The following SFSWAP variants were observed in gnomAD, a reference collection of about 807,000 sequenced individuals.
SFSWAP encodes the protein splicing factor SWAP, also known as splicing factor, suppressor of white-apricot homolog.
In SFSWAP, 17 loss-of-function variants were observed where a neutral mutation model predicts 100.7. The observed-to-expected ratio is 0.17, with a 90% CI of 0.12 to 0.25. SFSWAP has a LOEUF of 0.25. SFSWAP is among the 10% of genes least tolerant of loss of function. The probability of loss-of-function intolerance (pLI) is 1.00; values close to 1 mark genes in which losing one functional copy is unlikely to be tolerated. For synonymous variants in SFSWAP, 504 were observed against 510.1 expected (o/e 0.99, Z 0.16); for missense variants, 1,005 against 1,262.6 (o/e 0.80, Z 3.09).
Position 131,743,438 on chromosome 12 carries a change from C to G in SFSWAP, c.1082-9685C>G, listed in dbSNP as rs1880839534. Among the ~76,000 whole-genome samples the G allele has an allele frequency of 2.0e-5, 3 of 152,342 alleles. No individual in the cohort carries two copies. In the South Asian group the frequency reaches 6.2e-4, roughly 32 times the overall value. On this transcript the variant is annotated intron_variant, in intron 7 of 17. Transcript: ENST00000261674. ...ACAGAGGGGCTGCACAGGCCCTGTA[C>G]AAGTCCAAAATCTAGCAAGGCAGTC...
rs1191519758 is a variant in SFSWAP, at chr12:131,778,116, A to G, written c.2194A>G (p.Thr732Ala). 6.2e-7 allele frequency: 1 copy of G among 1,614,086 alleles called. No homozygotes were observed. The highest frequency in any genetic ancestry group is 8.5e-7 in the Non-Finnish European group (1 of 1,180,022). ...PLLTGGRPLP[T>A]LEVKPPDRPS... ...ACTGACTGGAGGCAGGCCTCTGCCT[A>G]CTTTAGAAGTTAAACCACCCGATAG... Residue 732 changes from threonine to alanine, a missense_variant, in exon 14 of 18, where the codon ACT (threonine) becomes GCT (alanine). By Grantham distance (58) the Thr-to-Ala change is moderately conservative. Transcript: ENST00000261674. This position sits in a 1 kb window ranked among gnomAD's most constrained non-coding sequence, Gnocchi z 4.2.
At chr12:131,797,402 G>A in intron 16 of SFSWAP, 42 bp downstream of exon 16, 3 of 1,547,948 alleles carry the variant, frequency 1.9e-6, no homozygotes, top group Middle Eastern at 2.2e-4. Context: ...GGAAAGGCAA[G>A]GGGCGGCCAG....
Position 131,733,927 on chromosome 12 carries a change from C to A in SFSWAP, c.1081+5499C>A, listed in dbSNP as rs1425933303. On this transcript the variant is annotated intron_variant, in intron 7 of 17. Transcript: ENST00000261674. The surrounding 1 kb of genome is among the most constrained non-coding windows in gnomAD (Gnocchi z 5.1). ...ACTTACCTCCTAGATACAGACAAGA[C>A]CCCAAACACACACATGGGAGCCCTG... 6.6e-6 allele frequency among the ~76,000 whole-genome samples: 1 copy of A among 152,214 alleles called. No homozygotes were observed. The highest frequency in any genetic ancestry group is 1.5e-5 in the Non-Finnish European group (1 of 68,032).
In SFSWAP at chr12:131,794,021, T is replaced by G. The variant is rs61943865; in HGVS notation, c.2535-3157T>G. Reference sequence around the variant, plus strand: ...ACCTACTCCCTGACCAGCTGTCCTGTTCCTAGCTGTGAACTCCTCTATAAA... The same window carrying G: ...ACCTACTCCCTGACCAGCTGTCCTGGTCCTAGCTGTGAACTCCTCTATAAA... On this transcript the variant is annotated intron_variant, in intron 15 of 17. Coordinates refer to ENST00000261674, the MANE Select transcript of SFSWAP (RefSeq NM_004592.4). This position sits in a 1 kb window ranked among gnomAD's most constrained non-coding sequence, Gnocchi z 4.8. Among the ~76,000 whole-genome samples, 11,537 of 152,284 alleles carry G rather than the reference T, an allele frequency of 0.076. 495 individuals are homozygous for G. Among genetic ancestry groups the G allele is most frequent in the Middle Eastern group, 0.13 (37 of 294 alleles).
At position 131,778,328 on chromosome 12, in the gene SFSWAP, G is replaced by A. The variant is rs140471777; in HGVS notation, c.2406G>A (p.Ser802=). The change falls in exon 14 of 18, where the codon TCG becomes TCA. Residue 802 remains serine, a splice_region_variant and synonymous_variant. Transcript: ENST00000261674. The surrounding 1 kb of genome is among the most constrained non-coding windows in gnomAD (Gnocchi z 4.2). ...GTGCCTATCGGACAGTGCGGCGGTC[G>A]AGGTGGGTGTGAAGGGGGCAGCACC... ...LPSAYRTVRR[S]RSRSRSPRRR... 113 of 1,611,248 alleles carry A rather than the reference G, an allele frequency of 7.0e-5. No individual in the cohort carries two copies. In the African/African-American group the frequency reaches 8.6e-4, roughly 12 times the overall value.
chr12:131,788,587 G>A (rs934467154), intron 15 of SFSWAP, among the ~76,000 whole-genome samples: 3 of 150,670 alleles, frequency 2.0e-5, no homozygotes, highest in Admixed American at 6.6e-5. Context: ...GTGCAGTGGC[G>A]TAATCACAGC....
chr12:131,741,832 G>A (rs1191278780), intron 7 of SFSWAP, among the ~76,000 whole-genome samples: 1 of 152,038 alleles, frequency 6.6e-6, no homozygotes, highest in African/African-American at 2.4e-5. Context: ...AAGGTTCCTC[G>A]GGTCACATGC....
rs572782455 is a variant in SFSWAP at position 131,790,339 on chromosome 12, C to T, written c.2534+3751C>T. On this transcript the variant is annotated intron_variant, in intron 15 of 17. Transcript: ENST00000261674. ...TGTTCCAGGTTTACTGGGCATTTTC[C>T]CTGCTCCAGCCCTGGAATCTACCAT... Among the ~76,000 whole-genome samples the T allele has an allele frequency of 6.6e-5, 10 of 152,274 alleles. No homozygotes were observed. The South Asian group carries it at 8.3e-4, about 13-fold the overall frequency.
intron 7 of SFSWAP, among the ~76,000 whole-genome samples, chr12:131,742,810 C>CTGT (rs1211652096): frequency 1.3e-5 from 2 of 152,074 alleles, no homozygotes; most frequent in East Asian, 3.8e-4. Flanking sequence ...TTATATTAGT[C>CTGT]TGTTTTCACA....
In SFSWAP at chr12:131,768,824, G is replaced by T. The variant is rs572465970; in HGVS notation, c.2142+2516G>T. Among the ~76,000 whole-genome samples, 383 of 152,270 alleles carry T rather than the reference G, an allele frequency of 2.5e-3. No homozygotes were observed. The Middle Eastern group carries it at 0.034, about 14-fold the overall frequency. The stretch of plus-strand genomic sequence containing the variant: ...CCGAAGGATCTGTGGTCATTCCTTA[G>T]CTTTAATAGGATTTCTTGGCTGGAC... On this transcript the variant is annotated intron_variant, in intron 13 of 17. Coordinates refer to ENST00000261674, the MANE Select transcript of SFSWAP (RefSeq NM_004592.4).
At chr12:131,740,364 A>C (rs945365012) in intron 7 of SFSWAP, among the ~76,000 whole-genome samples, 1 of 152,192 alleles carries the variant, frequency 6.6e-6, no homozygotes, top group Non-Finnish European at 1.5e-5. Context: ...TGTCTTCCCT[A>C]CCTGCCCTGG....
intron 15 of SFSWAP, among the ~76,000 whole-genome samples, chr12:131,791,789 A>T (rs1431160585): frequency 6.6e-6 from 1 of 152,254 alleles, no homozygotes; most frequent in Non-Finnish European, 1.5e-5. Flanking sequence ...TAAAAAATAG[A>T]TGAAGGAACA....
At chr12:131,754,526 GT>G in intron 9 of SFSWAP, 27 bp downstream of exon 9, 1 of 1,465,276 alleles carries the variant, frequency 6.8e-7, no homozygotes, top group South Asian at 1.4e-5. Context: ...TATATGTTAG[GT>G]ATATGGCATT....
At chr12:131,722,457 A>G (rs1019196428) in intron 4 of SFSWAP, among the ~76,000 whole-genome samples, 1 of 152,022 alleles carries the variant, frequency 6.6e-6, no homozygotes, top group Non-Finnish European at 1.5e-5. Context: ...CAGACCTGTT[A>G]GGGCGCAGTT....
chr12:131,785,127 A>G, intron 14 of SFSWAP: 1 of 1,535,674 alleles, frequency 6.5e-7, no homozygotes, highest in Non-Finnish European at 8.7e-7. Flanking sequence ...GCAGCGCGTC[A>G]GTGACAGCGG....
chr12:131,797,036 G>GA, intron 15 of SFSWAP, 142 bp from the exon 16 acceptor site: 1 of 683,240 alleles, frequency 1.5e-6, no homozygotes, highest in Non-Finnish European at 2.5e-6. Context: ...TTTAAGAGAA[G>GA]TTAATGGGTT....
At chr12:131,718,026 C>T (rs1036022377) in intron 3 of SFSWAP, among the ~76,000 whole-genome samples, 5 of 152,182 alleles carry the variant, frequency 3.3e-5, no homozygotes, top group African/African-American at 7.2e-5. Context: ...CCACCACACC[C>T]GGTTACAGGT....
Position 131,714,293 on chromosome 12 carries a change from T to C in SFSWAP, c.388+53T>C. 1 of 1,481,814 alleles carries C rather than the reference T, an allele frequency of 6.7e-7. No homozygotes were observed. Among genetic ancestry groups the C allele is most frequent in the Non-Finnish European group, 9.1e-7 (1 of 1,093,656 alleles). The allele number at this position is 1,481,814 out of a possible 1,614,324, so 91.8% of individuals were successfully genotyped here. A position where few individuals can be genotyped will look rare whatever the true frequency, so the allele number is the denominator to read the frequency against. ...CAACAAACTTTTTAAAATTTTTAAG[T>C]ATTTAAAAATTTACTCCCATTCATT... On this transcript the variant is annotated intron_variant, in intron 2 of 17. Coordinates refer to ENST00000261674, the MANE Select transcript of SFSWAP (RefSeq NM_004592.4). The surrounding 1 kb of genome is among the most constrained non-coding windows in gnomAD (Gnocchi z 6.0).
intron 7 of SFSWAP, among the ~76,000 whole-genome samples, chr12:131,738,686 T>G (rs1880280103): frequency 6.6e-6 from 1 of 152,150 alleles, no homozygotes; most frequent in Non-Finnish European, 1.5e-5. Context: ...TTAGAATTAT[T>G]CAACTTTTTC....
Sources: allele counts gnomAD v4.1 joint callset (sites outside exome capture counted in the v4.1 genomes callset), GRCh38; gene constraint gnomAD v4.1.1; non-coding constraint Gnocchi (gnomAD v3.1); transcripts MANE v1.5; gene names NCBI Gene and HGNC (gene_info 2026-07-23, HGNC 2026-07-21).